The following NRF1 variants were observed in gnomAD, a reference collection of about 807,000 sequenced individuals.
NRF1 encodes nuclear respiratory factor 1.
NRF1 carries 5 observed loss-of-function variants against 58.5 expected under a neutral mutation model. That is an observed-to-expected ratio of 0.09 (90% confidence interval 0.04 to 0.18). The LOEUF is 0.18. Among genes scored for constraint, NRF1 ranks in the 10% least tolerant of loss-of-function variants. The pLI, the probability that NRF1 is intolerant of heterozygous loss-of-function variation, is 1.00. For synonymous variants in NRF1, 224 were observed against 246.7 expected, an observed-to-expected ratio of 0.91 and a Z score of 0.86; for missense variants, 288 against 657.7, an observed-to-expected ratio of 0.44 and a Z score of 6.15.
chr7:129,717,371 T>G lies in NRF1; in HGVS notation c.1218T>G (p.Leu406=). 1 of 1,608,484 alleles carries G rather than the reference T, an allele frequency of 6.2e-7. No homozygotes were observed. The highest frequency in any genetic ancestry group is 8.5e-7 in the Non-Finnish European group (1 of 1,177,664). Residue 406 remains leucine (L), a synonymous_variant, in exon 9 of 11, where the codon CTT becomes CTG. Transcript: ENST00000393232. The part of the protein sequence containing the change: ...MQQGATVTMA[L]NSEAAAHAVA... ...AGGGAGCTACAGTCACTATGGCGCT[T>G]AACAGGTGGTGGCAAGAGTGTGGGA... is the stretch of plus-strand genomic sequence containing the variant.
intron 1 of NRF1, among the ~76,000 whole-genome samples, chr7:129,634,741 A>G (rs1456055884): frequency 6.6e-6 from 1 of 152,214 alleles, no homozygotes; most frequent in Non-Finnish European, 1.5e-5. Flanking sequence ...TGGTAAGACT[A>G]TGTTTAGTTT....
At position 129,755,015 on chromosome 7, in the gene NRF1, C is replaced by T. The variant is rs1804219337; in HGVS notation, c.1349-3C>T. 6.2e-7 allele frequency: 1 copy of T among 1,603,190 alleles called. No homozygotes were observed. The stretch of plus-strand genomic sequence containing the variant: ...ACCAACGGTCTTCTCTTTGTCTCTC[C>T]AGGCCTGGTCCAGATCCCTGTGAGC... On this transcript the variant is annotated splice_polypyrimidine_tract_variant and splice_region_variant and intron_variant, in intron 10 of 10. Transcript: ENST00000393232. This position sits in a 1 kb window ranked among gnomAD's most constrained non-coding sequence, Gnocchi z 5.8.
At chr7:129,709,605 A>G (rs1235088752) in intron 6 of NRF1, among the ~76,000 whole-genome samples, 1 of 152,174 alleles carries the variant, frequency 6.6e-6, no homozygotes, top group Non-Finnish European at 1.5e-5. Flanking sequence ...TAAATATGGA[A>G]TTAGAGGGAT....
chr7:129,700,903 G>A (rs545007590), intron 5 of NRF1, among the ~76,000 whole-genome samples: 6 of 152,188 alleles, frequency 3.9e-5, no homozygotes, highest in Admixed American at 3.3e-4. Flanking sequence ...GCAAAAGAGC[G>A]AGACCCTGTC....
chr7:129,709,237 A>G lies in NRF1; in HGVS notation c.765+4A>G. On this transcript the variant is annotated splice_donor_region_variant and intron_variant, in intron 6 of 10. Coordinates refer to ENST00000393232, the MANE Select transcript of NRF1 (RefSeq NM_005011.5). ...CACAGAAGAGCAAAAGCAGAGGGTG[A>G]GAGTTCCTCTGACTGAGTTGCCTGG... The G allele has an allele frequency of 6.8e-7, 1 of 1,463,438 alleles. No individual in the cohort carries two copies. Among genetic ancestry groups the G allele is most frequent in the Non-Finnish European group, 9.1e-7 (1 of 1,097,748 alleles). The allele number at this position is 1,463,438 out of a possible 1,614,324, so 90.7% of individuals were successfully genotyped here.
intron 1 of NRF1, among the ~76,000 whole-genome samples, chr7:129,656,579 GT>G (rs1258378736): frequency 6.6e-6 from 1 of 151,586 alleles, no homozygotes; most frequent in African/African-American, 2.4e-5. Context: ...TGGAGGGGGT[GT>G]TTGTTTGTTT....
At position 129,712,305 on chromosome 7, in the gene NRF1, G is replaced by A. The variant is rs764962348; in HGVS notation, c.1065+729G>A. ...AACAGTGAAGGAAGGGGTTTGTTAC[G>A]TCACCATGAGTGTTTCCCTTGAAGA... On this transcript the variant is annotated intron_variant, in intron 8 of 10. Coordinates refer to ENST00000393232, the MANE Select transcript of NRF1 (RefSeq NM_005011.5). Among the ~76,000 whole-genome samples, 10 of 152,184 alleles carry A rather than the reference G, an allele frequency of 6.6e-5. No individual in the cohort carries two copies. The East Asian group carries it at 9.6e-4, about 15-fold the overall frequency.
chr7:129,699,993 T>G lies in NRF1; in HGVS notation c.607-9082T>G, dbSNP rs6975928. On this transcript the variant is annotated intron_variant, in intron 5 of 10. Coordinates refer to ENST00000393232, the MANE Select transcript of NRF1 (RefSeq NM_005011.5). ...TCTCCACTAAAAAAAAAAAAAAATT[T>G]AGCCGGGCATGGTGGCAGGTGTCTG... is the stretch of plus-strand genomic sequence containing the variant. Among the ~76,000 whole-genome samples the G allele has an allele frequency of 8.6e-3, 1,304 of 151,348 alleles. 17 individuals carry two copies. The highest frequency in any genetic ancestry group is 0.03 in the African/African-American group (1,240 of 41,222).
Position 129,727,231 on chromosome 7 carries a change from G to C in NRF1, c.1224-10G>C, listed in dbSNP as rs776682480. On this transcript the variant is annotated splice_polypyrimidine_tract_variant and intron_variant, in intron 9 of 10. Coordinates refer to ENST00000393232, the MANE Select transcript of NRF1 (RefSeq NM_005011.5). ...ATTCATCATCCTCTCTCCTGTTCCT[G>C]TGCCCGCAGCGAAGCTGCCGCCCAT... 6 of 1,586,948 alleles carry C rather than the reference G, an allele frequency of 3.8e-6. No homozygotes were observed. The highest frequency in any genetic ancestry group is 5.1e-6 in the Non-Finnish European group (6 of 1,172,464).
chr7:129,634,867 T>C (rs1448758265), intron 1 of NRF1, among the ~76,000 whole-genome samples: 1 of 152,234 alleles, frequency 6.6e-6, no homozygotes, highest in African/African-American at 2.4e-5. Context: ...TGCCCTGTGA[T>C]AGGATTACAA....
At chr7:129,647,979 A>G (rs528517805) in intron 1 of NRF1, among the ~76,000 whole-genome samples, 10 of 152,312 alleles carry the variant, frequency 6.6e-5, no homozygotes, top group African/African-American at 1.9e-4. Context: ...TTAATTTTCA[A>G]AAGGATCAGT....
In NRF1 at chr7:129,685,556, A is replaced by AGTGTGTGT. The variant is rs67721424; in HGVS notation, c.466-4809_466-4802dup. Among the ~76,000 whole-genome samples, 911 of 143,058 alleles carry AGTGTGTGT rather than the reference A, an allele frequency of 6.4e-3. 7 individuals are homozygous for AGTGTGTGT. The highest frequency in any genetic ancestry group is 0.016 in the African/African-American group (601 of 37,406). 93.9% of individuals were successfully genotyped at this position (143,058 alleles called of 152,430 possible). A position where few individuals can be genotyped will look rare whatever the true frequency, so the allele number is the denominator to read the frequency against. ...AACATGTAAGACCCTGTCTCATTCAAGTGTGTGTGTGTGTGTGTGTGTGTG... is the reference window on the plus strand; with the variant it reads ...AACATGTAAGACCCTGTCTCATTCAAGTGTGTGTGTGTGTGTGTGTGTGTGTGTGTGTG... On this transcript the variant is annotated intron_variant, in intron 4 of 10. Coordinates refer to ENST00000393232, the MANE Select transcript of NRF1 (RefSeq NM_005011.5).
At chr7:129,722,026 G>A (rs1451860018) in intron 9 of NRF1, among the ~76,000 whole-genome samples, 1 of 152,174 alleles carries the variant, frequency 6.6e-6, no homozygotes, top group African/African-American at 2.4e-5. Context: ...GTTTTGAAAT[G>A]ACTTTTGTCT....
intron 4 of NRF1, among the ~76,000 whole-genome samples, chr7:129,685,372 G>A (rs766275181): frequency 2.6e-5 from 4 of 152,200 alleles, no homozygotes; most frequent in Non-Finnish European, 2.9e-5. Flanking sequence ...ACAAACCTGC[G>A]TGACAGAGCA....
intron 1 of NRF1, among the ~76,000 whole-genome samples, chr7:129,637,270 G>A (rs1801187461): frequency 6.6e-6 from 1 of 150,764 alleles, no homozygotes; most frequent in South Asian, 2.1e-4. Context: ...AAAAAAAGAA[G>A]AAGAAGATTC....
At chr7:129,710,254 G>C in intron 6 of NRF1, 120 bp from the exon 7 acceptor site, 1 of 825,058 alleles carries the variant, frequency 1.2e-6, no homozygotes, top group Non-Finnish European at 2.0e-6. Flanking sequence ...TCCTAGGAGA[G>C]TCTAATAAGA....
At chr7:129,716,932 A>C (rs1360071251) in intron 8 of NRF1, among the ~76,000 whole-genome samples, 1 of 151,584 alleles carries the variant, frequency 6.6e-6, no homozygotes, top group Non-Finnish European at 1.5e-5. Context: ...CTTGTTTCCA[A>C]CTCCTCTCAA....
At chr7:129,715,795 G>A (rs963605480) in intron 8 of NRF1, among the ~76,000 whole-genome samples, 17 of 152,128 alleles carry the variant, frequency 1.1e-4, no homozygotes, top group Non-Finnish European at 2.1e-4. Flanking sequence ...ACCTGAAGTC[G>A]GGAGTTCAAG....
chr7:129,667,565 ATTTT>A (rs1167593611), intron 2 of NRF1, among the ~76,000 whole-genome samples: 6 of 151,078 alleles, frequency 4.0e-5, no homozygotes, highest in Admixed American at 2.0e-4. Flanking sequence ...CCATTTATTT[ATTTT>A]TTTGTTCATG....
Sources: gnomAD v4.1 joint callset for allele counts (sites outside exome capture counted in the v4.1 genomes callset) on GRCh38, gnomAD v4.1.1 for gene constraint, Gnocchi (gnomAD v3.1) non-coding constraint, MANE v1.5 for transcripts, NCBI Gene and HGNC (gene_info 2026-07-23, HGNC 2026-07-21) for gene names.